METTL9: variants seen among roughly 807,000 people sequenced by gnomAD.
The protein encoded by METTL9 is methyltransferase 9, His-X-His N1(pi)-histidine, also known as protein-L-histidine N-pros-methyltransferase.
METTL9 carries 10 observed loss-of-function variants against 36.0 expected under a neutral mutation model. The observed-to-expected ratio is 0.28, with a 90% CI of 0.17 to 0.47. METTL9 has a LOEUF of 0.47. METTL9 is among the 20% of genes least tolerant of loss of function. The probability of loss-of-function intolerance (pLI) is 0.99; values close to 1 mark genes in which losing one functional copy is unlikely to be tolerated. For synonymous variants in METTL9, 175 were observed against 149.7 expected (o/e 1.17, Z -1.23); for missense variants, 246 against 383.5 (o/e 0.64, Z 3.00).
At chr16:21,625,207 T>C (rs1965791552) in intron 4 of METTL9, 92 bp downstream of exon 4, 1 of 1,381,120 alleles carries the variant, frequency 7.2e-7, no homozygotes, top group Admixed American at 1.8e-5. Context: ...TATTGTCTAG[T>C]ATGTCTTATA....
chr16:21,597,242 GCAAAGCTTCTTAGATGGAT>G (rs900232887), upstream of METTL9: 1 of 1,287,716 alleles, frequency 7.8e-7, no homozygotes, highest in African/African-American at 1.5e-5. Context: ...AGAAGAGACA[GCAAAGCTTCTTAGATGGAT>G]CGAAAGACCA....
intron 3 of METTL9, among the ~76,000 whole-genome samples, chr16:21,623,086 G>C (rs1877463447): frequency 6.6e-6 from 1 of 152,056 alleles, no homozygotes; most frequent in Non-Finnish European, 1.5e-5. Context: ...GGAAACTCTT[G>C]GAATGAGCTA....
intron 4 of METTL9, among the ~76,000 whole-genome samples, chr16:21,629,601 T>G (rs1009253276): frequency 2.0e-5 from 3 of 152,176 alleles, no homozygotes; most frequent in African/African-American, 7.2e-5. Flanking sequence ...CTTGCTGGCC[T>G]CAGGAGTGAA....
intron 1 of METTL9, among the ~76,000 whole-genome samples, chr16:21,610,367 G>GA (rs1965398949): frequency 6.6e-6 from 1 of 152,182 alleles, no homozygotes; most frequent in African/African-American, 2.4e-5. Context: ...TATTTTATAT[G>GA]AATCTATTAT....
chr16:21,638,257 G>A (rs1273488125), intron 4 of METTL9, among the ~76,000 whole-genome samples: 1 of 152,216 alleles, frequency 6.6e-6, no homozygotes, highest in Admixed American at 6.5e-5. Flanking sequence ...GGCAGAGGTT[G>A]CAGTGAGCCG....
chr16:21,622,845 A>G (rs1296222729), intron 3 of METTL9, among the ~76,000 whole-genome samples: 1 of 152,230 alleles, frequency 6.6e-6, no homozygotes, highest in Non-Finnish European at 1.5e-5. Flanking sequence ...AGATTAGAAC[A>G]TGCTGATGAT....
intron 4 of METTL9, chr16:21,652,648 GCTTT>G: frequency 6.8e-7 from 1 of 1,471,970 alleles, no homozygotes; most frequent in African/African-American, 1.4e-5. Context: ...AGGAAAGTTG[GCTTT>G]CTTTTTTCAG....
intron 2 of METTL9, among the ~76,000 whole-genome samples, chr16:21,617,539 C>A (rs1393232310): frequency 6.6e-6 from 1 of 151,848 alleles, no homozygotes; most frequent in Non-Finnish European, 1.5e-5. Context: ...ACCAACCTGG[C>A]CGACATGGTG....
intron 2 of METTL9, among the ~76,000 whole-genome samples, chr16:21,616,507 A>G (rs1477815940): frequency 6.6e-6 from 1 of 152,166 alleles, no homozygotes; most frequent in Non-Finnish European, 1.5e-5. Flanking sequence ...TCCCAGAGTG[A>G]TGCTTCCATG....
Position 21,655,759 on chromosome 16 carries a change from C to G in METTL9, c.*327C>G. The stretch of plus-strand genomic sequence containing the variant: ...TCATTCCCAGACAAAGCAATAGTCA[C>G]GACTTCATGGAACCAATCAATGGAT... On this transcript the variant is annotated 3_prime_UTR_variant, in exon 5 of 5. Transcript: ENST00000358154. The G allele has an allele frequency of 4.5e-6, 1 of 224,008 alleles. No individual in the cohort carries two copies. The highest frequency in any genetic ancestry group is 1.0e-4 in the South Asian group (1 of 9,794). The allele number at this position is 224,008 out of a possible 1,614,324, so 13.9% of individuals were successfully genotyped here.
At chr16:21,641,375 T>C in intron 4 of METTL9, 1 of 457,080 alleles carries the variant, frequency 2.2e-6, no homozygotes, top group Non-Finnish European at 3.9e-6. Flanking sequence ...TAATGACTAT[T>C]AGTTATAGTT....
At chr16:21,627,443 T>G (rs1383203439) in intron 4 of METTL9, 4 of 943,992 alleles carry the variant, frequency 4.2e-6, no homozygotes, top group Middle Eastern at 5.4e-4. Flanking sequence ...TTTGGTTTAC[T>G]GACCCAGTTT....
chr16:21,644,371 C>T (rs754182453), intron 4 of METTL9: 1 of 1,613,758 alleles, frequency 6.2e-7, no homozygotes, highest in East Asian at 2.2e-5. Context: ...GGAAGCTCCG[C>T]AGTTCCTTGC....
chr16:21,622,018 AT>A (rs888986879), intron 3 of METTL9, among the ~76,000 whole-genome samples: 43 of 148,866 alleles, frequency 2.9e-4, no homozygotes, highest in Admixed American at 8.7e-4. Context: ...AAGTTTTTGT[AT>A]TTTAGTAGAG....
chr16:21,619,228 T>C (rs907559049), intron 3 of METTL9, among the ~76,000 whole-genome samples: 3 of 152,096 alleles, frequency 2.0e-5, no homozygotes, highest in Non-Finnish European at 2.9e-5. Context: ...TGGGTTTAAT[T>C]TTTTGAGGAA....
chr16:21,625,102 C>T lies in METTL9; in HGVS notation c.738C>T (p.Pro246=), dbSNP rs778732508. 3 of 1,613,976 alleles carry T rather than the reference C, an allele frequency of 1.9e-6. No individual in the cohort carries two copies. In the African/African-American group the frequency reaches 4.0e-5, roughly 22 times the overall value. ...TTGCCCTTGTCCTCCCCTTTCATCCCTATGTGGAAAACGGTAAGTGTGGTC... is the reference window on the plus strand; with the variant it reads ...TTGCCCTTGTCCTCCCCTTTCATCCTTATGTGGAAAACGGTAAGTGTGGTC... The part of the protein sequence containing the change: ...VILALVLPFH[P]YVENVGGKWE... The change falls in exon 4 of 5, where the codon CCC becomes CCT. Residue 246 remains proline, a synonymous_variant. Transcript: ENST00000358154.
chr16:21,617,135 C>T (rs541727415), intron 2 of METTL9, among the ~76,000 whole-genome samples: 1 of 152,220 alleles, frequency 6.6e-6, no homozygotes, highest in South Asian at 2.1e-4. Context: ...AAGATAATAT[C>T]TTTGCTGGGC....
Position 21,599,820 on chromosome 16 carries a change from C to G in METTL9, c.87C>G (p.Thr29=). 1 of 1,544,682 alleles carries G rather than the reference C, an allele frequency of 6.5e-7. No individual in the cohort carries two copies. Among genetic ancestry groups the G allele is most frequent in the Non-Finnish European group, 8.7e-7 (1 of 1,152,368 alleles). Residue 29 remains threonine, a synonymous_variant, in exon 1 of 5, where the codon ACC becomes ACG. Coordinates refer to ENST00000358154, the MANE Select transcript of METTL9 (RefSeq NM_016025.5). The surrounding 1 kb of genome is among the most constrained non-coding windows in gnomAD (Gnocchi z 4.4). ...RRMWTLRSPL[T]RSLYVNMTSG... Reference sequence around the variant, plus strand: ...TGTGGACGCTGCGGAGCCCGCTCACCCGCTCCCTGTACGTGAACATGACTA... The same window carrying G: ...TGTGGACGCTGCGGAGCCCGCTCACGCGCTCCCTGTACGTGAACATGACTA...
At chr16:21,609,496 C>T (rs1231723545) in intron 1 of METTL9, among the ~76,000 whole-genome samples, 1 of 152,062 alleles carries the variant, frequency 6.6e-6, no homozygotes, top group Non-Finnish European at 1.5e-5. Context: ...GGGGGCCTAG[C>T]CTAGCCTTTC....
Sources: gnomAD v4.1 joint callset for allele counts (sites outside exome capture counted in the v4.1 genomes callset) on GRCh38, gnomAD v4.1.1 for gene constraint, Gnocchi (gnomAD v3.1) non-coding constraint, MANE v1.5 for transcripts, NCBI Gene and HGNC (gene_info 2026-07-23, HGNC 2026-07-21) for gene names.